Variants in ASIC2 observed in about 807,000 individuals in gnomAD.
ASIC2 encodes acid-sensing ion channel 2.
A neutral mutation model predicts 57.3 loss-of-function variants in ASIC2; 25 were observed. That is an observed-to-expected ratio of 0.44 (90% CI 0.32 to 0.61). ASIC2 has a LOEUF of 0.61. ASIC2 is among the 20% of genes least tolerant of loss of function. ASIC2 has a pLI of 0.06. For synonymous variants in ASIC2, 319 were observed against 307.5 expected (o/e 1.04, Z -0.39); for missense variants, 641 against 738.1 (o/e 0.87, Z 1.52).
intron 1 of ASIC2, among the ~76,000 whole-genome samples, chr17:33,409,397 T>C (rs977363397): frequency 6.6e-6 from 1 of 152,070 alleles, no homozygotes; most frequent in Non-Finnish European, 1.5e-5. Flanking sequence ...CTTCCCAACT[T>C]TGGGAGAGAC....
chr17:34,101,894 T>C (rs1383569845), intron 1 of ASIC2, among the ~76,000 whole-genome samples: 1 of 152,196 alleles, frequency 6.6e-6, no homozygotes, highest in Non-Finnish European at 1.5e-5. Context: ...ATTCAGCCAT[T>C]CTTGATTTAC....
intron 6 of ASIC2, among the ~76,000 whole-genome samples, chr17:33,023,607 T>C (rs2091847465): frequency 6.6e-6 from 1 of 152,276 alleles, no homozygotes; most frequent in South Asian, 2.1e-4. Context: ...ATAGCCAAAG[T>C]CACCCTATAT....
At chr17:33,328,176 G>A (rs1044505836) in intron 1 of ASIC2, among the ~76,000 whole-genome samples, 2 of 152,190 alleles carry the variant, frequency 1.3e-5, no homozygotes, top group Non-Finnish European at 1.5e-5. Flanking sequence ...AGTGCTGATG[G>A]TGACTGAGGA....
chr17:33,955,366 C>T (rs1198579313), intron 1 of ASIC2: 2 of 152,146 alleles, frequency 1.3e-5, no homozygotes, highest in African/African-American at 4.8e-5. Flanking sequence ...TTCTTGCCAT[C>T]TGGGTTAACA....
chr17:33,124,660 A>T (rs1478174529), intron 1 of ASIC2, among the ~76,000 whole-genome samples: 1 of 152,218 alleles, frequency 6.6e-6, no homozygotes, highest in African/African-American at 2.4e-5. Context: ...TTTTGGCACC[A>T]GGGACTGGTT....
intron 1 of ASIC2, among the ~76,000 whole-genome samples, chr17:33,770,316 T>A (rs2076986284): frequency 6.6e-6 from 1 of 152,212 alleles, no homozygotes. Context: ...CCCTGACCCC[T>A]AGTGTCTTCC....
intron 1 of ASIC2, among the ~76,000 whole-genome samples, chr17:33,384,416 C>CT (rs1308630986): frequency 1.3e-5 from 2 of 151,994 alleles, no homozygotes; most frequent in Admixed American, 6.6e-5. Flanking sequence ...ATGCTAGGAT[C>CT]TTTTTTTTCT....
chr17:33,376,051 T>C (rs1909265384), intron 1 of ASIC2, among the ~76,000 whole-genome samples: 1 of 152,064 alleles, frequency 6.6e-6, no homozygotes, highest in South Asian at 2.1e-4. Context: ...GGACTAAATA[T>C]ATAAACTAGG....
At chr17:33,844,188 G>A (rs1410977010) in intron 1 of ASIC2, among the ~76,000 whole-genome samples, 3 of 152,074 alleles carry the variant, frequency 2.0e-5, no homozygotes, top group African/African-American at 7.2e-5. Flanking sequence ...CTAAAATTTG[G>A]TACATGGCAT....
intron 1 of ASIC2, among the ~76,000 whole-genome samples, chr17:34,143,977 C>T (rs1463330093): frequency 6.6e-6 from 1 of 152,076 alleles, no homozygotes; most frequent in Non-Finnish European, 1.5e-5. Flanking sequence ...TAAGACAATA[C>T]ATTTTCCACT....
At chr17:33,940,707 T>A (rs1428557964) in intron 1 of ASIC2, among the ~76,000 whole-genome samples, 1 of 152,168 alleles carries the variant, frequency 6.6e-6, no homozygotes, top group Non-Finnish European at 1.5e-5. Context: ...ATAATCACAA[T>A]ACACAAATCT....
chr17:33,842,174 T>C (rs1178278405), intron 1 of ASIC2, among the ~76,000 whole-genome samples: 6 of 152,114 alleles, frequency 3.9e-5, no homozygotes. Context: ...TTATACAGCA[T>C]TTTCACTTAA....
intron 1 of ASIC2, among the ~76,000 whole-genome samples, chr17:34,142,416 G>A (rs1912295998): frequency 6.6e-6 from 1 of 152,158 alleles, no homozygotes; most frequent in African/African-American, 2.4e-5. Context: ...TGCGTAGGTG[G>A]GGATGACAAG....
chr17:33,880,726 T>C (rs986396579), intron 1 of ASIC2, among the ~76,000 whole-genome samples: 4 of 152,090 alleles, frequency 2.6e-5, no homozygotes, highest in Middle Eastern at 3.2e-3. Context: ...TTCTGATCAA[T>C]AGAAAAAGAG....
At chr17:33,219,697 C>T (rs547631678) in intron 1 of ASIC2, among the ~76,000 whole-genome samples, 14 of 152,288 alleles carry the variant, frequency 9.2e-5, no homozygotes, top group Admixed American at 3.3e-4. Context: ...GGAAAAGTTT[C>T]GGTGGTTCAA....
At chr17:33,100,865 T>A (rs1475980325) in intron 2 of ASIC2, among the ~76,000 whole-genome samples, 2 of 152,226 alleles carry the variant, frequency 1.3e-5, no homozygotes, top group African/African-American at 4.8e-5. Context: ...GAGTTTTAAC[T>A]AGAACACACG....
chr17:34,007,409 C>T (rs889138636), intron 1 of ASIC2, among the ~76,000 whole-genome samples: 5 of 152,214 alleles, frequency 3.3e-5, no homozygotes, highest in Non-Finnish European at 5.9e-5. Flanking sequence ...TGACTGCCAA[C>T]CCAGCACACA....
intron 1 of ASIC2, among the ~76,000 whole-genome samples, chr17:33,180,767 C>G (rs540312450): frequency 4.8e-4 from 73 of 152,264 alleles, no homozygotes; most frequent in African/African-American, 1.7e-3. Flanking sequence ...CTCCTAACTC[C>G]TGATGACATT....
At chr17:33,485,154 G>A (rs1195350534) in intron 1 of ASIC2, among the ~76,000 whole-genome samples, 1 of 152,258 alleles carries the variant, frequency 6.6e-6, no homozygotes, top group African/African-American at 2.4e-5. Context: ...TTAGGTCCAA[G>A]CAGCATAGTT....
Sources: allele counts gnomAD v4.1 joint callset (sites outside exome capture counted in the v4.1 genomes callset), GRCh38; gene constraint gnomAD v4.1.1; transcripts MANE v1.5; gene names NCBI Gene and HGNC (gene_info 2026-07-23, HGNC 2026-07-21).